The following NCEH1 variants were observed in gnomAD, a reference collection of about 807,000 sequenced individuals.
The protein encoded by NCEH1 is neutral cholesterol ester hydrolase 1.
Under a neutral mutation model 25.4 loss-of-function variants are expected in NCEH1, and 9 were observed. The ratio of observed to expected loss-of-function variants is 0.35; its 90% CI spans 0.21 to 0.62. The LOEUF is 0.62. NCEH1 is among the 20% of genes least tolerant of loss of function. NCEH1 has a pLI of 0.72. For synonymous variants in NCEH1, 200 were observed against 199.8 expected, an observed-to-expected ratio of 1.00 and a Z score of -0.01; for missense variants, 412 against 501.1, an observed-to-expected ratio of 0.82 and a Z score of 1.70.
At chr3:172,665,920 C>T (rs990703066) in intron 1 of NCEH1, among the ~76,000 whole-genome samples, 4 of 152,268 alleles carry the variant, frequency 2.6e-5, no homozygotes, top group Non-Finnish European at 1.5e-5. Context: ...AAGGGAATTC[C>T]CCGACCCCTT....
At chr3:172,669,677 C>T (rs144011288) in intron 1 of NCEH1, among the ~76,000 whole-genome samples, 1,751 of 152,310 alleles carry the variant, frequency 0.011, 16 homozygotes, top group Non-Finnish European at 0.017. Context: ...GCTGGGATTA[C>T]AGGCACCTGC....
chr3:172,700,431 C>A (rs1331488104), intron 1 of NCEH1, among the ~76,000 whole-genome samples: 1 of 152,156 alleles, frequency 6.6e-6, no homozygotes, highest in Non-Finnish European at 1.5e-5. Flanking sequence ...CACAGCATAG[C>A]CCAGCAGGGA....
At chr3:172,676,728 G>C (rs1712028209) in intron 1 of NCEH1, among the ~76,000 whole-genome samples, 1 of 152,062 alleles carries the variant, frequency 6.6e-6, no homozygotes, top group Admixed American at 6.6e-5. Context: ...ATCTAAACTG[G>C]CGCGAGACCA....
intron 1 of NCEH1, among the ~76,000 whole-genome samples, chr3:172,691,067 A>G (rs1434838877): frequency 6.6e-6 from 1 of 152,096 alleles, no homozygotes; most frequent in Non-Finnish European, 1.5e-5. Context: ...ATATTCCTAT[A>G]TTTTGCTTCT....
intron 1 of NCEH1, among the ~76,000 whole-genome samples, chr3:172,684,017 T>C (rs146570333): frequency 6.6e-6 from 1 of 152,380 alleles, no homozygotes; most frequent in Non-Finnish European, 1.5e-5. Context: ...CATTTTATCA[T>C]CCTTTATAAC....
rs10701435 is a variant in NCEH1, at chr3:172,701,449, C to CTTTTTTTTTTTTT, written c.138+9385_138+9397dup. On this transcript the variant is annotated intron_variant, in intron 1 of 4. Transcript: ENST00000475381. ...TAGTGCTTCCTAGATGGTCTTTTGC[C>CTTTTTTTTTTTTT]TTTTTTTTTTTTTTTTTAAAGACGG... Among the ~76,000 whole-genome samples the CTTTTTTTTTTTTT allele has an allele frequency of 9.2e-4, 102 of 110,918 alleles. 6 individuals are homozygous for CTTTTTTTTTTTTT. Among genetic ancestry groups the CTTTTTTTTTTTTT allele is most frequent in the African/African-American group, 3.3e-3 (79 of 24,198 alleles). The allele number at this position is 110,918 out of a possible 152,430, so 72.8% of individuals were successfully genotyped here. A position where few individuals can be genotyped will look rare whatever the true frequency, so the allele number is the denominator to read the frequency against.
At chr3:172,645,816 C>A in intron 2 of NCEH1, 124 bp from the exon 3 acceptor site, 3 of 523,342 alleles carry the variant, frequency 5.7e-6, no homozygotes, top group Admixed American at 3.2e-5. Context: ...TAATAAAAAG[C>A]AAATGTGAAC....
chr3:172,638,410 T>C (rs1353517105), intron 3 of NCEH1, among the ~76,000 whole-genome samples: 2 of 151,776 alleles, frequency 1.3e-5, no homozygotes, highest in Non-Finnish European at 2.9e-5. Context: ...TTTTTTCCAG[T>C]TGATTTTTCA....
rs1212639861 is a variant in NCEH1, at chr3:172,634,129, C to T, written c.610-37G>A. ...GAAGCAAATACATTATTTCATTTTGCATGCCTTCTTTTATAGGAACCATAC... is the reference window on the plus strand; with the variant it reads ...GAAGCAAATACATTATTTCATTTTGTATGCCTTCTTTTATAGGAACCATAC... On this transcript the variant is annotated intron_variant, in intron 4 of 4. Transcript: ENST00000475381. 3 of 1,581,036 alleles carry T rather than the reference C, an allele frequency of 1.9e-6. No individual in the cohort carries two copies. The African/African-American group carries it at 4.1e-5, about 21-fold the overall frequency.
chr3:172,689,275 T>TTG (rs1712887387), intron 1 of NCEH1, among the ~76,000 whole-genome samples: 1 of 147,700 alleles, frequency 6.8e-6, no homozygotes, highest in African/African-American at 2.5e-5. Context: ...TTTTTTTTTT[T>TTG]GGGATGGAGC....
rs1034637939 is a variant in NCEH1 at position 172,633,285 on chromosome 3, G to A, written c.*190C>T. 1 of 620,530 alleles carries A rather than the reference G, an allele frequency of 1.6e-6. No homozygotes were observed. The highest frequency in any genetic ancestry group is 1.8e-5 in the African/African-American group (1 of 54,110). The allele number at this position is 620,530 out of a possible 1,614,324, so 38.4% of individuals were successfully genotyped here. A position where few individuals can be genotyped will look rare whatever the true frequency, so the allele number is the denominator to read the frequency against. On this transcript the variant is annotated 3_prime_UTR_variant, in exon 5 of 5. Transcript: ENST00000475381. ...TCTGGGAACCAAATTTACATGTTTTGCACTTAAGTTAGTCAAATTCATTTT... is the reference window on the plus strand; with the variant it reads ...TCTGGGAACCAAATTTACATGTTTTACACTTAAGTTAGTCAAATTCATTTT...
chr3:172,639,075 C>T (rs948162286), intron 3 of NCEH1, among the ~76,000 whole-genome samples: 12 of 152,014 alleles, frequency 7.9e-5, no homozygotes, highest in African/African-American at 2.7e-4. Context: ...CCAAGGTGCG[C>T]GGATCACGAG....
chr3:172,645,560 C>T, intron 3 of NCEH1, 63 bp downstream of exon 3: 3 of 1,024,466 alleles, frequency 2.9e-6, no homozygotes, highest in Non-Finnish European at 3.0e-6. Flanking sequence ...AACAAAGTAA[C>T]CAGACTGTTA....
intron 4 of NCEH1, 77 bp downstream of exon 4, chr3:172,635,839 T>A: frequency 7.2e-7 from 1 of 1,387,084 alleles, no homozygotes; most frequent in Non-Finnish European, 1.0e-6. Context: ...TTGCCACACA[T>A]AATGGAGGGT....
intron 1 of NCEH1, among the ~76,000 whole-genome samples, chr3:172,672,822 T>G (rs1711719775): frequency 6.6e-6 from 1 of 152,186 alleles, no homozygotes; most frequent in Non-Finnish European, 1.5e-5. Flanking sequence ...CAGGGTATTT[T>G]AAAGAGGAAT....
chr3:172,654,451 A>T (rs965458397), intron 1 of NCEH1, among the ~76,000 whole-genome samples: 1 of 152,252 alleles, frequency 6.6e-6, no homozygotes, highest in Non-Finnish European at 1.5e-5. Context: ...AAGTGAGCCC[A>T]GCGACAGATA....
chr3:172,651,859 G>A (rs776623446), intron 1 of NCEH1, among the ~76,000 whole-genome samples: 7 of 152,060 alleles, frequency 4.6e-5, no homozygotes, highest in Admixed American at 6.6e-5. Context: ...GCGCCCGGCC[G>A]AGAATCTTTT....
chr3:172,640,697 T>C (rs924110293), intron 3 of NCEH1, among the ~76,000 whole-genome samples: 3 of 152,106 alleles, frequency 2.0e-5, no homozygotes. Flanking sequence ...TTAGTAGAGA[T>C]GGGGTTTCAC....
intron 1 of NCEH1, among the ~76,000 whole-genome samples, chr3:172,692,125 T>C (rs1048573286): frequency 1.5e-4 from 23 of 152,264 alleles, no homozygotes; most frequent in African/African-American, 5.5e-4. Context: ...GCATCATAGC[T>C]GCCAACAACT....
Sources: allele counts gnomAD v4.1 joint callset (sites outside exome capture counted in the v4.1 genomes callset), GRCh38; gene constraint gnomAD v4.1.1; transcripts MANE v1.5; gene names NCBI Gene and HGNC (gene_info 2026-07-23, HGNC 2026-07-21).